Variants in SGCD observed in about 807,000 individuals in gnomAD.
SGCD encodes the protein sarcoglycan delta.
In SGCD, 18 loss-of-function variants were observed where a neutral mutation model predicts 36.6. The ratio of observed to expected loss-of-function variants is 0.49; its 90% CI spans 0.34 to 0.73. The LOEUF is 0.73. Among genes scored for constraint, SGCD ranks in the 30% least tolerant of loss-of-function variants. The pLI is 0.01. For synonymous variants in SGCD, 133 were observed against 130.6 expected (o/e 1.02, Z -0.12); for missense variants, 387 against 346.7 (o/e 1.12, Z -0.92).
intron 1 of SGCD, among the ~76,000 whole-genome samples, chr5:156,079,955 G>C (rs968991082): frequency 6.6e-6 from 1 of 152,228 alleles, no homozygotes; most frequent in Non-Finnish European, 1.5e-5. Flanking sequence ...TACTGCCCTA[G>C]TAGAGGATTT....
At chr5:156,276,800 A>G (rs554741198) in intron 3 of SGCD, among the ~76,000 whole-genome samples, 4 of 152,238 alleles carry the variant, frequency 2.6e-5, no homozygotes, top group African/African-American at 9.6e-5. Context: ...TGTATACATT[A>G]GCTAGCAAAA....
At chr5:156,124,619 T>C (rs1484073601) in intron 3 of SGCD, among the ~76,000 whole-genome samples, 2 of 152,192 alleles carry the variant, frequency 1.3e-5, no homozygotes, top group Non-Finnish European at 2.9e-5. Context: ...TGCATATAAA[T>C]ACATCCTTAT....
At chr5:156,359,163 T>C (rs1421886701) in intron 3 of SGCD, among the ~76,000 whole-genome samples, 1 of 152,200 alleles carries the variant, frequency 6.6e-6, no homozygotes, top group African/African-American at 2.4e-5. Flanking sequence ...TTACTCATAG[T>C]GAATACAAAT....
At chr5:156,458,303 A>G (rs944757645) in intron 3 of SGCD, 1 of 836,250 alleles carries the variant, frequency 1.2e-6, no homozygotes, top group South Asian at 1.7e-5. Flanking sequence ...GGTTTTGGAA[A>G]TTCACTTTGT....
intron 3 of SGCD, among the ~76,000 whole-genome samples, chr5:156,297,791 A>T (rs867144393): frequency 5.5e-4 from 79 of 144,376 alleles, no homozygotes; most frequent in African/African-American, 1.9e-3. Context: ...GTATAATAAA[A>T]AAATAAATAA....
At chr5:155,794,607 C>G in the SGCD span, among the ~76,000 whole-genome samples, 1 of 151,750 alleles carries the variant, frequency 6.6e-6, no homozygotes, top group Non-Finnish European at 1.5e-5. Flanking sequence ...AACCAGTAGA[C>G]AGCTTAGTAG....
chr5:156,282,166 A>G (rs1302243518), intron 3 of SGCD, among the ~76,000 whole-genome samples: 2 of 152,196 alleles, frequency 1.3e-5, no homozygotes, highest in African/African-American at 4.8e-5. Flanking sequence ...AGTAGGCCTG[A>G]GTCATGTGAG....
intron 1 of SGCD, among the ~76,000 whole-genome samples, chr5:155,910,385 A>T (rs1756606084): frequency 6.6e-6 from 1 of 152,126 alleles, no homozygotes; most frequent in African/African-American, 2.4e-5. Context: ...GACAGATTTT[A>T]GTAAAAGAAG....
intron 4 of SGCD, among the ~76,000 whole-genome samples, chr5:156,552,781 C>CTGTTTGT (rs1179794333): frequency 6.6e-6 from 1 of 152,178 alleles, no homozygotes; most frequent in African/African-American, 2.4e-5. Context: ...CAGCTGTCCT[C>CTGTTTGT]TGTTTGTCTT....
At chr5:155,801,280 C>T in the SGCD span, among the ~76,000 whole-genome samples, 1 of 152,130 alleles carries the variant, frequency 6.6e-6, no homozygotes, top group South Asian at 2.1e-4. Flanking sequence ...GTTGTTAAAC[C>T]TCTCCTACCA....
At chr5:155,770,697 A>G in the SGCD span, among the ~76,000 whole-genome samples, 1 of 152,138 alleles carries the variant, frequency 6.6e-6, no homozygotes, top group Non-Finnish European at 1.5e-5. Flanking sequence ...CATCCTGCAT[A>G]TAATTGTTTC....
In SGCD at chr5:155,904,635, CT is replaced by C. The variant is rs574676638; in HGVS notation, c.-282+34213del. Among the ~76,000 whole-genome samples, 111 of 152,052 alleles carry C rather than the reference CT, an allele frequency of 7.3e-4. 1 individual carries two copies. The highest frequency in any genetic ancestry group is 1.2e-3 in the Non-Finnish European group (81 of 68,008). On this transcript the variant is annotated intron_variant, in intron 1 of 9. Coordinates refer to the SGCD transcript ENST00000517913. Reference sequence around the variant, plus strand: ...AATTCTTTTCGTGTAAAATATTGTGCTTATGATCTGCTGAGGGAGAGATAGA... The same window carrying C: ...AATTCTTTTCGTGTAAAATATTGTGCTATGATCTGCTGAGGGAGAGATAGA...
intron 3 of SGCD, among the ~76,000 whole-genome samples, chr5:156,161,748 C>T (rs1447841936): frequency 6.6e-6 from 1 of 151,718 alleles, no homozygotes; most frequent in Non-Finnish European, 1.5e-5. Flanking sequence ...ATCTTTCCTT[C>T]CTACTTCCTG....
At chr5:156,361,888 C>T (rs544190351) in intron 3 of SGCD, among the ~76,000 whole-genome samples, 13 of 152,184 alleles carry the variant, frequency 8.5e-5, no homozygotes, top group African/African-American at 1.4e-4. Flanking sequence ...GAGATGACAA[C>T]GTGAAATTGC....
At chr5:156,347,520 T>A (rs1023663461) in intron 3 of SGCD, among the ~76,000 whole-genome samples, 2 of 152,224 alleles carry the variant, frequency 1.3e-5, no homozygotes, top group South Asian at 4.2e-4. Flanking sequence ...GGTTTTAGGA[T>A]GGTGAGATGG....
At chr5:156,222,548 G>A (rs1764742470) in intron 3 of SGCD, among the ~76,000 whole-genome samples, 2 of 152,052 alleles carry the variant, frequency 1.3e-5, no homozygotes, top group African/African-American at 2.4e-5. Flanking sequence ...TCAGGTAGAA[G>A]TTGGTATTTT....
At chr5:156,629,005 A>G (rs1456047266) in intron 6 of SGCD, among the ~76,000 whole-genome samples, 1 of 152,252 alleles carries the variant, frequency 6.6e-6, no homozygotes, top group South Asian at 2.1e-4. Context: ...ACTCAGATAT[A>G]TTAAGTTCTC....
intron 3 of SGCD, among the ~76,000 whole-genome samples, chr5:156,265,457 GT>G (rs901106694): frequency 6.6e-5 from 10 of 151,890 alleles, no homozygotes; most frequent in African/African-American, 2.4e-4. Flanking sequence ...AAAAATGAAT[GT>G]GGTTACATGG....
chr5:156,650,477 C>T (rs1398088941), intron 7 of SGCD, among the ~76,000 whole-genome samples: 1 of 152,004 alleles, frequency 6.6e-6, no homozygotes, highest in Non-Finnish European at 1.5e-5. Context: ...AGTTTTTCAG[C>T]CCTTTGTCTT....
Sources: allele counts gnomAD v4.1 joint callset (sites outside exome capture counted in the v4.1 genomes callset), GRCh38; gene constraint gnomAD v4.1.1; transcripts MANE v1.5; gene names NCBI Gene and HGNC (gene_info 2026-07-23, HGNC 2026-07-21).